Variants in TMEM178B observed in about 807,000 individuals in gnomAD.
TMEM178B encodes transmembrane protein 178B.
TMEM178B carries 5 observed loss-of-function variants against 31.0 expected under a neutral mutation model. The ratio of observed to expected loss-of-function variants is 0.16; its 90% CI spans 0.08 to 0.34. TMEM178B has a LOEUF of 0.34. Among genes scored for constraint, TMEM178B ranks in the 10% least tolerant of loss-of-function variants. The pLI is 1.00. For synonymous variants in TMEM178B, 164 were observed against 164.0 expected (o/e 1.00, Z 0.00); for missense variants, 275 against 400.3 (o/e 0.69, Z 2.67).
chr7:141,394,997 T>C (rs952362496), intron 2 of TMEM178B, among the ~76,000 whole-genome samples: 2 of 152,194 alleles, frequency 1.3e-5, no homozygotes. Context: ...TCACAGCTTC[T>C]CTTTGTCTAC....
chr7:141,357,666 T>C (rs549196838), intron 2 of TMEM178B, among the ~76,000 whole-genome samples: 1 of 152,228 alleles, frequency 6.6e-6, no homozygotes, highest in Non-Finnish European at 1.5e-5. Context: ...TTAAATATCA[T>C]TTATATGCAT....
chr7:141,393,089 G>A lies in TMEM178B; in HGVS notation c.497-44519G>A, dbSNP rs565434478. ...TTTAGATGCTGGGAATTCACAGTATGTATGATAACTCATTTTCTTCTGCGG... is the reference window on the plus strand; with the variant it reads ...TTTAGATGCTGGGAATTCACAGTATATATGATAACTCATTTTCTTCTGCGG... On this transcript the variant is annotated intron_variant, in intron 2 of 3. Coordinates refer to ENST00000565468, the MANE Select transcript of TMEM178B (RefSeq NM_001195278.2). Among the ~76,000 whole-genome samples, 95 of 152,260 alleles carry A rather than the reference G, an allele frequency of 6.2e-4. No homozygotes were observed. In the South Asian group the frequency reaches 7.0e-3, roughly 11 times the overall value.
At chr7:141,097,714 T>C (rs537133589) in intron 1 of TMEM178B, among the ~76,000 whole-genome samples, 3 of 152,160 alleles carry the variant, frequency 2.0e-5, no homozygotes, top group South Asian at 2.1e-4. Flanking sequence ...ACTTCTTATA[T>C]AACTTACTCA....
chr7:141,280,261 A>G (rs1798334395), intron 2 of TMEM178B, among the ~76,000 whole-genome samples: 1 of 152,132 alleles, frequency 6.6e-6, no homozygotes, highest in Non-Finnish European at 1.5e-5. Flanking sequence ...CTACCCAAAC[A>G]GGTCAGAAGC....
intron 2 of TMEM178B, among the ~76,000 whole-genome samples, chr7:141,406,089 A>T (rs549512232): frequency 6.6e-6 from 1 of 152,190 alleles, no homozygotes; most frequent in Non-Finnish European, 1.5e-5. Context: ...TCCAGCTCAC[A>T]TCTGTTCACT....
At chr7:141,136,795 GT>G (rs978070479) in intron 1 of TMEM178B, among the ~76,000 whole-genome samples, 1 of 152,178 alleles carries the variant, frequency 6.6e-6, no homozygotes, top group Admixed American at 6.5e-5. Context: ...GAGCCCAGGA[GT>G]TCAAGGCTGC....
At chr7:141,167,963 C>T (rs919889089) in intron 1 of TMEM178B, among the ~76,000 whole-genome samples, 2 of 152,222 alleles carry the variant, frequency 1.3e-5, no homozygotes, top group Non-Finnish European at 1.5e-5. Context: ...CGCTTTCATG[C>T]ACTCACTTAG....
intron 1 of TMEM178B, among the ~76,000 whole-genome samples, chr7:141,113,591 A>G (rs929054506): frequency 6.6e-6 from 1 of 152,160 alleles, no homozygotes; most frequent in Admixed American, 6.5e-5. Flanking sequence ...AGCCATTCCT[A>G]ATTACCCAAC....
the TMEM178B span, among the ~76,000 whole-genome samples, chr7:141,490,945 G>A: frequency 1.3e-5 from 2 of 152,200 alleles, no homozygotes; most frequent in African/African-American, 4.8e-5. Context: ...ACATTTCTGA[G>A]GTTCACACAG....
intron 1 of TMEM178B, among the ~76,000 whole-genome samples, chr7:141,087,663 T>C (rs372278676): frequency 2.0e-5 from 3 of 152,288 alleles, no homozygotes; most frequent in East Asian, 3.9e-4. Context: ...ATAGAGTATA[T>C]TTGTCTTCTT....
intron 1 of TMEM178B, among the ~76,000 whole-genome samples, chr7:141,161,816 G>T (rs562019664): frequency 5.3e-4 from 80 of 152,052 alleles, no homozygotes; most frequent in African/African-American, 1.8e-3. Flanking sequence ...ATGAGAGTTT[G>T]TGAGGGTGGT....
intron 2 of TMEM178B, among the ~76,000 whole-genome samples, chr7:141,271,289 C>T (rs908517037): frequency 6.6e-6 from 1 of 152,206 alleles, no homozygotes; most frequent in Non-Finnish European, 1.5e-5. Context: ...TCATCTCTGC[C>T]TTCAGTAAAC....
Position 141,387,739 on chromosome 7 carries a change from C to T in TMEM178B, c.497-49869C>T, listed in dbSNP as rs569285287. Among the ~76,000 whole-genome samples, 7 of 152,340 alleles carry T rather than the reference C, an allele frequency of 4.6e-5. No homozygotes were observed. The East Asian group carries it at 1.4e-3, about 29-fold the overall frequency. The stretch of plus-strand genomic sequence containing the variant: ...GCCCACCTGCCCACCTCCTGCTGCG[C>T]TTCCCTGTGGCCTGACACTTGTCTT... On this transcript the variant is annotated intron_variant, in intron 2 of 3. Transcript: ENST00000565468.
chr7:141,421,600 C>T (rs1801211076), intron 2 of TMEM178B, among the ~76,000 whole-genome samples: 1 of 152,156 alleles, frequency 6.6e-6, no homozygotes, highest in Admixed American at 6.5e-5. Context: ...GGGCAAGTTC[C>T]TTATGATCTC....
chr7:141,306,063 A>G (rs957946509), intron 2 of TMEM178B, among the ~76,000 whole-genome samples: 1 of 152,170 alleles, frequency 6.6e-6, no homozygotes, highest in Non-Finnish European at 1.5e-5. Context: ...CATGTGCTTT[A>G]TACATAGTAG....
At chr7:141,215,337 A>ATTATTATTATTATTATTTTTTTT (rs55726735) in intron 2 of TMEM178B, among the ~76,000 whole-genome samples, 6 of 141,556 alleles carry the variant, frequency 4.2e-5, no homozygotes, top group Non-Finnish European at 6.1e-5. Flanking sequence ...TATTATTATT[A>ATTATTATTATTATTATTTTTTTT]TTTTTTGAGA....
intron 2 of TMEM178B, among the ~76,000 whole-genome samples, chr7:141,413,741 A>G (rs191743106): frequency 6.6e-6 from 1 of 152,176 alleles, no homozygotes; most frequent in African/African-American, 2.4e-5. Context: ...CTTTATCCTT[A>G]TATTCCTTAT....
intron 1 of TMEM178B, among the ~76,000 whole-genome samples, chr7:141,137,948 A>G (rs1243750201): frequency 1.3e-5 from 2 of 152,184 alleles, no homozygotes; most frequent in African/African-American, 4.8e-5. Context: ...GTAAGTTTCC[A>G]TTCTACAAAA....
At chr7:141,156,958 C>G (rs1314601841) in intron 1 of TMEM178B, among the ~76,000 whole-genome samples, 1 of 152,186 alleles carries the variant, frequency 6.6e-6, no homozygotes, top group African/African-American at 2.4e-5. Flanking sequence ...TGCTGCTGAT[C>G]TAAGCTGGGC....
Sources: allele counts gnomAD v4.1 joint callset (sites outside exome capture counted in the v4.1 genomes callset), GRCh38; gene constraint gnomAD v4.1.1; transcripts MANE v1.5; gene names NCBI Gene and HGNC (gene_info 2026-07-23, HGNC 2026-07-21).